Variants in NIPBL observed in about 807,000 individuals in gnomAD.
The protein encoded by NIPBL is nipped-B-like protein.
A neutral mutation model predicts 321.8 loss-of-function variants in NIPBL; 19 were observed. The observed-to-expected ratio is 0.06, with a 90% CI of 0.04 to 0.09. The LOEUF is 0.09. Ranked by LOEUF, NIPBL falls within the 10% of genes least tolerant of loss-of-function variation. The pLI is 1.00. For missense variants in NIPBL, 2,210 were observed against 3,327.0 expected (o/e 0.66, Z 8.26); for synonymous variants, 1,106 against 1,114.1 (o/e 0.99, Z 0.14).
rs745734788 is a variant in NIPBL at position 37,063,841 on chromosome 5, G to A, written c.7912G>A (p.Glu2638Lys). ...CCCTGATGAAGAAGAAGAAGAAGGG[G>A]AGGTTTCAGCTAGCACAAATGCTCG... ...LDPDEEEEEG[E>K]VSASTNARNK... The change falls in exon 46 of 47, where the codon GAG becomes AAG. Residue 2638 changes from glutamate (E) to lysine (K), a missense_variant. Around this residue, in one of 14 missense-constraint regions of NIPBL, gnomAD observed 159 missense variants for 319.2 expected, o/e 0.50. Coordinates refer to ENST00000282516, the MANE Select transcript of NIPBL (RefSeq NM_133433.4). 6.2e-7 allele frequency: 1 copy of A among 1,614,032 alleles called. No individual in the cohort carries two copies. Among genetic ancestry groups the A allele is most frequent in the Non-Finnish European group, 8.5e-7 (1 of 1,179,984 alleles).
At chr5:37,000,925 A>G (rs1236542140) in intron 13 of NIPBL, 37 bp downstream of exon 13, 10 of 1,591,726 alleles carry the variant, frequency 6.3e-6, no homozygotes, top group Middle Eastern at 1.7e-4. Context: ...CTTTATTCAT[A>G]TTCTTCAGCT....
At chr5:37,057,158 CAT>C (rs577452001) in intron 42 of NIPBL, 26 bp from the exon 43 acceptor site, 307 of 1,611,088 alleles carry the variant, frequency 1.9e-4, no homozygotes, top group Non-Finnish European at 1.9e-4. Context: ...ATCCGCTAAA[CAT>C]GTGTGCTTTT....
At chr5:37,044,764 C>T (rs777675814) in intron 36 of NIPBL, 35 bp downstream of exon 36, 1 of 1,464,174 alleles carries the variant, frequency 6.8e-7, no homozygotes, top group East Asian at 2.3e-5. Flanking sequence ...AATTATTCTG[C>T]TAGGTCCTGC....
At chr5:36,989,928 A>G (rs972127868) in intron 10 of NIPBL, among the ~76,000 whole-genome samples, 6 of 151,632 alleles carry the variant, frequency 4.0e-5, no homozygotes, top group African/African-American at 1.5e-4. Context: ...AGTAATTACA[A>G]ACATATTTGA....
intron 8 of NIPBL, among the ~76,000 whole-genome samples, chr5:36,975,381 A>G (rs1034403717): frequency 6.6e-6 from 1 of 152,160 alleles, no homozygotes; most frequent in East Asian, 1.9e-4. Context: ...ATCAGGATAT[A>G]TCTGTTTTCC....
chr5:36,919,912 A>G (rs1352464770), intron 1 of NIPBL, among the ~76,000 whole-genome samples: 1 of 152,114 alleles, frequency 6.6e-6, no homozygotes, highest in Non-Finnish European at 1.5e-5. Flanking sequence ...TGCCTTTTAA[A>G]ATATCTTTTA....
At chr5:37,016,837 C>T (rs894375782) in intron 23 of NIPBL, among the ~76,000 whole-genome samples, 182 bp from the exon 24 acceptor site, 7 of 151,182 alleles carry the variant, frequency 4.6e-5, no homozygotes, top group African/African-American at 1.7e-4. Context: ...TTTTTAGTCA[C>T]ATGAAAATGT....
intron 1 of NIPBL, among the ~76,000 whole-genome samples, chr5:36,884,418 T>G (rs930263530): frequency 6.6e-6 from 1 of 152,202 alleles, no homozygotes; most frequent in Non-Finnish European, 1.5e-5. Context: ...TATAGACATA[T>G]ATTACTTTTC....
At chr5:36,982,604 A>G (rs1744269313) in intron 9 of NIPBL, among the ~76,000 whole-genome samples, 1 of 151,852 alleles carries the variant, frequency 6.6e-6, no homozygotes, top group Non-Finnish European at 1.5e-5. Flanking sequence ...TACATTTTTT[A>G]TTATAAATAA....
chr5:36,931,198 T>C (rs781137588), intron 1 of NIPBL, among the ~76,000 whole-genome samples: 4 of 152,194 alleles, frequency 2.6e-5, no homozygotes, highest in African/African-American at 9.6e-5. Context: ...TAGGGATCTA[T>C]TCAGAGTTTC....
chr5:36,941,698 A>G (rs1415773406), intron 1 of NIPBL, among the ~76,000 whole-genome samples: 1 of 152,146 alleles, frequency 6.6e-6, no homozygotes, highest in Non-Finnish European at 1.5e-5. Context: ...TTTCTTTTTA[A>G]TAATCTGTGT....
chr5:36,965,342 T>TA (rs1345768785), intron 6 of NIPBL, among the ~76,000 whole-genome samples: 1 of 152,026 alleles, frequency 6.6e-6, no homozygotes, highest in African/African-American at 2.4e-5. Flanking sequence ...TACTCAGCCA[T>TA]AAAAAAGAAT....
rs192479239 is a variant in NIPBL, at chr5:37,048,986, G to A, written c.6764-125G>A. 72 of 945,680 alleles carry A rather than the reference G, an allele frequency of 7.6e-5. 1 individual carries two copies. The East Asian group carries it at 8.7e-4, about 11-fold the overall frequency. 58.6% of individuals were successfully genotyped at this position (945,680 alleles called of 1,614,324 possible). ...ACACACACACTCACACACAGATTAAGAACCATTGAGCCAGAACACTAGCTG... is the reference window on the plus strand; with the variant it reads ...ACACACACACTCACACACAGATTAAAAACCATTGAGCCAGAACACTAGCTG... On this transcript the variant is annotated intron_variant, in intron 39 of 46. Coordinates refer to ENST00000282516, the MANE Select transcript of NIPBL (RefSeq NM_133433.4).
chr5:36,955,131 A>G, intron 2 of NIPBL: 1 of 253,992 alleles, frequency 3.9e-6, no homozygotes, highest in Non-Finnish European at 7.7e-6. Context: ...AATCTTATAA[A>G]CAAGAACAAA....
At chr5:37,006,858 A>G (rs762796071) in intron 17 of NIPBL, among the ~76,000 whole-genome samples, 3 of 151,960 alleles carry the variant, frequency 2.0e-5, no homozygotes, top group Admixed American at 1.3e-4. Context: ...ATTTTACCCA[A>G]AATAGCAGTT....
At chr5:37,044,580 A>T (rs1028678020) in intron 35 of NIPBL, 56 bp from the exon 36 acceptor site, 1 of 1,572,368 alleles carries the variant, frequency 6.4e-7, no homozygotes, top group African/African-American at 1.4e-5. Flanking sequence ...TAAAAAGCTA[A>T]GTTTTTAAAA....
rs966387404 is a variant in NIPBL, at chr5:37,042,097, G to A, written c.6109-2250G>A. 4.6e-5 allele frequency among the ~76,000 whole-genome samples: 7 copies of A among 152,240 alleles called. 1 individual carries two copies. In the South Asian group the frequency reaches 1.4e-3, roughly 32 times the overall value. On this transcript the variant is annotated intron_variant, in intron 34 of 46. Transcript: ENST00000282516. ...TTTTTTGTAATTAATACTCCTACAAGCCAAGTGGTGGGAATGTTTTTAACT... is the reference window on the plus strand; with the variant it reads ...TTTTTTGTAATTAATACTCCTACAAACCAAGTGGTGGGAATGTTTTTAACT...
In NIPBL at chr5:37,010,162, G is replaced by C; in HGVS notation, c.4497G>C (p.Gln1499His). The C allele has an allele frequency of 6.2e-7, 1 of 1,610,712 alleles. No homozygotes were observed. Among genetic ancestry groups the C allele is most frequent in the Non-Finnish European group, 8.5e-7 (1 of 1,177,058 alleles). ...CAGCACTGGTTTTACAACTTATTCAGTGTGTGGTACACTTACCATCATCAG... is the reference window on the plus strand; with the variant it reads ...CAGCACTGGTTTTACAACTTATTCACTGTGTGGTACACTTACCATCATCAG... Reference protein sequence around the residue: ...MVTALVLQLIQCVVHLPSSEK... With the variant: ...MVTALVLQLIHCVVHLPSSEK... The change falls in exon 21 of 47, where the codon CAG becomes CAC. Residue 1499 changes from glutamine to histidine, a missense_variant. This residue lies in a region of NIPBL where 381 missense variants were observed against 642.3 expected (regional missense o/e 0.59). Transcript: ENST00000282516.
intron 43 of NIPBL, 90 bp downstream of exon 43, chr5:37,057,422 C>A: frequency 1.6e-6 from 2 of 1,269,434 alleles, no homozygotes; most frequent in South Asian, 1.2e-5. Flanking sequence ...TCTTTTTATC[C>A]TCTTCACGAG....
Sources: gnomAD v4.1 joint callset for allele counts (sites outside exome capture counted in the v4.1 genomes callset) on GRCh38, gnomAD v4.1.1 for gene constraint, gnomAD v4.1.1 regional missense constraint, MANE v1.5 for transcripts, NCBI Gene and HGNC (gene_info 2026-07-23, HGNC 2026-07-21) for gene names.